The following NHS variants were observed in gnomAD, a reference collection of about 807,000 sequenced individuals.
The protein encoded by NHS is NHS actin remodeling regulator, also known as actin remodeling regulator NHS.
A neutral mutation model predicts 72.5 loss-of-function variants in NHS; 5 were observed. The ratio of observed to expected loss-of-function variants is 0.07; its 90% confidence interval spans 0.04 to 0.14. The LOEUF (loss-of-function observed/expected upper bound fraction) is 0.14. NHS is among the 10% of genes least tolerant of loss of function. The pLI is 1.00. For synonymous variants in NHS, 464 were observed against 547.7 expected, an observed-to-expected ratio of 0.85 and a Z score of 2.13; for missense variants, 1,072 against 1,355.7, an observed-to-expected ratio of 0.79 and a Z score of 3.29.
intron 1 of NHS, among the ~76,000 whole-genome samples, chrX:17,393,304 C>T (rs1158609464): frequency 1.8e-5 from 2 of 112,153 alleles, no homozygotes; most frequent in Non-Finnish European, 3.8e-5. Context: ...CAAGCAAAAG[C>T]TTTGATCTGT....
intron 1 of NHS, among the ~76,000 whole-genome samples, chrX:17,480,154 T>G (rs2064940276): frequency 9.0e-6 from 1 of 111,731 alleles, no homozygotes; most frequent in Non-Finnish European, 1.9e-5. Context: ...GGAAAAACAT[T>G]CCATGCTCAT....
intron 3 of NHS, among the ~76,000 whole-genome samples, chrX:17,716,745 T>C (rs185746931): frequency 7.7e-4 from 85 of 110,980 alleles, no homozygotes; most frequent in African/African-American, 2.7e-3. Context: ...CTTAGAAAAA[T>C]AGAACAGAAT....
chrX:17,523,262 G>T (rs775746706), intron 1 of NHS, among the ~76,000 whole-genome samples: 3 of 111,875 alleles, frequency 2.7e-5, no homozygotes, highest in Non-Finnish European at 5.6e-5. Context: ...CAGGACTCAG[G>T]CCTGACAGAA....
intron 1 of NHS, among the ~76,000 whole-genome samples, chrX:17,491,361 G>A (rs1359380792): frequency 8.9e-6 from 1 of 111,855 alleles, no homozygotes; most frequent in African/African-American, 3.3e-5. Context: ...GGCCTTGTCT[G>A]CATCTATTGA....
At chrX:17,621,426 AAAG>A (rs1343475707) in intron 1 of NHS, among the ~76,000 whole-genome samples, 6 of 112,386 alleles carry the variant, frequency 5.3e-5, no homozygotes, top group Non-Finnish European at 1.9e-5. Flanking sequence ...GGCCTAGAGA[AAAG>A]AGGTAGGCAT....
intron 1 of NHS, among the ~76,000 whole-genome samples, chrX:17,551,476 G>A (rs2065336136): frequency 8.9e-6 from 1 of 111,854 alleles, no homozygotes; most frequent in East Asian, 2.8e-4. Context: ...GATGTTGATG[G>A]CTGCACCTAG....
intron 1 of NHS, among the ~76,000 whole-genome samples, chrX:17,543,131 T>C (rs1407201660): frequency 9.0e-6 from 1 of 111,628 alleles, no homozygotes; most frequent in Non-Finnish European, 1.9e-5. Context: ...AGATTCTGAT[T>C]CTACAGGTCT....
intron 1 of NHS, among the ~76,000 whole-genome samples, chrX:17,480,299 C>CA (rs1173945393): frequency 3.6e-5 from 4 of 110,095 alleles, no homozygotes; most frequent in African/African-American, 6.6e-5. Context: ...CATATGGAAC[C>CA]AAAAAAAAGA....
chrX:17,711,068 G>T (rs899569596), intron 3 of NHS, among the ~76,000 whole-genome samples: 4 of 112,284 alleles, frequency 3.6e-5, no homozygotes, highest in African/African-American at 9.7e-5. Context: ...GAGGGTATTT[G>T]CACTGTTTGT....
chrX:17,587,352 C>T (rs1183355255), intron 1 of NHS, among the ~76,000 whole-genome samples: 1 of 112,272 alleles, frequency 8.9e-6, no homozygotes, highest in East Asian at 2.8e-4. Flanking sequence ...GTTGAGAACC[C>T]CTTCCAGTTT....
intron 1 of NHS, among the ~76,000 whole-genome samples, chrX:17,590,305 G>A (rs2065597115): frequency 9.0e-6 from 1 of 111,711 alleles, no homozygotes. Flanking sequence ...TGATATGATA[G>A]GATACGATTA....
chrX:17,509,389 G>C (rs1411585483), intron 1 of NHS, among the ~76,000 whole-genome samples: 1 of 110,207 alleles, frequency 9.1e-6, no homozygotes, highest in Non-Finnish European at 1.9e-5. Flanking sequence ...ATGATGCCCA[G>C]CTATTTTTTG....
chrX:17,566,153 A>T (rs756216016), intron 1 of NHS, among the ~76,000 whole-genome samples: 2 of 105,588 alleles, frequency 1.9e-5, no homozygotes, highest in East Asian at 3.0e-4. Context: ...CTAATTTTTA[A>T]TTTTTTTTTT....
At chrX:17,404,229 C>T (rs1162331295) in intron 1 of NHS, among the ~76,000 whole-genome samples, 1 of 111,416 alleles carries the variant, frequency 9.0e-6, no homozygotes, top group Non-Finnish European at 1.9e-5. Flanking sequence ...GGAGTTAGGC[C>T]AGGCTGGCAG....
chrX:17,559,193 T>A lies in NHS; in HGVS notation c.566-128549T>A, dbSNP rs1040928467. On this transcript the variant is annotated intron_variant, in intron 1 of 8. Transcript: ENST00000676302. Reference sequence around the variant, plus strand: ...GCTAGCCTTTGAGATTTTGGCTTAGTAGAGGAGAGGAGCTAGTGCCTAGAA... The same window carrying A: ...GCTAGCCTTTGAGATTTTGGCTTAGAAGAGGAGAGGAGCTAGTGCCTAGAA... Among the ~76,000 whole-genome samples the A allele has an allele frequency of 3.6e-5, 4 of 111,869 alleles. No homozygotes were observed. In the Admixed American group the frequency reaches 3.8e-4, roughly 11 times the overall value.
At chrX:17,452,159 G>A (rs868305919) in intron 1 of NHS, among the ~76,000 whole-genome samples, 1 of 111,588 alleles carries the variant, frequency 9.0e-6, no homozygotes, top group Non-Finnish European at 1.9e-5. Context: ...TGATGAACAT[G>A]GTTCCTGCCT....
chrX:17,573,241 G>A (rs1255701503), intron 1 of NHS, among the ~76,000 whole-genome samples: 1 of 111,558 alleles, frequency 9.0e-6, no homozygotes, highest in African/African-American at 3.3e-5. Flanking sequence ...CTAGGTTGGG[G>A]AAATTCTCCT....
intron 1 of NHS, among the ~76,000 whole-genome samples, chrX:17,654,118 A>G (rs1169084337): frequency 1.8e-5 from 2 of 111,786 alleles, no homozygotes; most frequent in Non-Finnish European, 3.8e-5. Context: ...GACATTTGAC[A>G]TTATAAATCA....
At chrX:17,704,322 A>G (rs1389463579) in intron 3 of NHS, among the ~76,000 whole-genome samples, 1 of 109,226 alleles carries the variant, frequency 9.2e-6, no homozygotes, top group African/African-American at 3.3e-5. Context: ...TTTGAGATGG[A>G]GTCTCACTCT....
Sources: gnomAD v4.1 joint callset for allele counts (sites outside exome capture counted in the v4.1 genomes callset) on GRCh38, gnomAD v4.1.1 for gene constraint, MANE v1.5 for transcripts, NCBI Gene and HGNC (gene_info 2026-07-23, HGNC 2026-07-21) for gene names.